The following CNTNAP5 variants were observed in gnomAD, a reference collection of about 807,000 sequenced individuals.
CNTNAP5 encodes contactin associated protein family member 5.
A neutral mutation model predicts 150.2 loss-of-function variants in CNTNAP5; 72 were observed. The ratio of observed to expected loss-of-function variants is 0.48; its 90% confidence interval spans 0.40 to 0.58. The LOEUF is 0.58. CNTNAP5 is among the 20% of genes least tolerant of loss of function. CNTNAP5 has a pLI of 0.00. For missense variants in CNTNAP5, 1,636 were observed against 1,626.2 expected (o/e 1.01, Z -0.10); for synonymous variants, 672 against 619.8 (o/e 1.08, Z -1.25).
intron 7 of CNTNAP5, among the ~76,000 whole-genome samples, chr2:124,489,559 C>A (rs2104848035): frequency 6.6e-6 from 1 of 152,284 alleles, no homozygotes; most frequent in South Asian, 2.1e-4. Flanking sequence ...AAACACAGTT[C>A]AGTCCACAAC....
chr2:124,185,800 G>C (rs908613035), intron 1 of CNTNAP5, among the ~76,000 whole-genome samples: 1 of 152,080 alleles, frequency 6.6e-6, no homozygotes, highest in Non-Finnish European at 1.5e-5. Context: ...CCCAACCATT[G>C]CTCAGCTTCT....
At chr2:124,304,519 A>G (rs1688634392) in intron 3 of CNTNAP5, among the ~76,000 whole-genome samples, 1 of 151,934 alleles carries the variant, frequency 6.6e-6, no homozygotes, top group Non-Finnish European at 1.5e-5. Flanking sequence ...ATGATAAGTA[A>G]TTAGTTACTT....
At chr2:124,260,791 A>G (rs1039174068) in intron 3 of CNTNAP5, among the ~76,000 whole-genome samples, 3 of 152,214 alleles carry the variant, frequency 2.0e-5, no homozygotes, top group African/African-American at 7.2e-5. Flanking sequence ...TGTACACTGA[A>G]ATGAAAATAC....
chr2:124,904,988 G>T (rs1311312375), intron 22 of CNTNAP5, among the ~76,000 whole-genome samples: 1 of 137,772 alleles, frequency 7.3e-6, no homozygotes, highest in Non-Finnish European at 1.5e-5. Flanking sequence ...CCATATGACT[G>T]ATGAAGGGTT....
intron 21 of CNTNAP5, among the ~76,000 whole-genome samples, chr2:124,887,411 A>G (rs982113994): frequency 1.3e-5 from 2 of 152,038 alleles, no homozygotes; most frequent in African/African-American, 2.4e-5. Flanking sequence ...TAGGATCCCT[A>G]CTAGTGTGAC....
intron 10 of CNTNAP5, among the ~76,000 whole-genome samples, chr2:124,550,258 A>G (rs1028502193): frequency 6.6e-6 from 1 of 152,198 alleles, no homozygotes; most frequent in South Asian, 2.1e-4. Flanking sequence ...CACAATTTGC[A>G]ACCCCTCTGA....
intron 8 of CNTNAP5, among the ~76,000 whole-genome samples, chr2:124,515,546 CATCACG>C (rs1694691479): frequency 2.4e-5 from 1 of 42,070 alleles, no homozygotes; most frequent in Non-Finnish European, 5.6e-5. Flanking sequence ...ATCAATCATT[CATCACG>C]TTTTATATGC....
intron 10 of CNTNAP5, among the ~76,000 whole-genome samples, chr2:124,554,673 C>T (rs930936203): frequency 4.6e-5 from 7 of 152,114 alleles, no homozygotes; most frequent in African/African-American, 1.2e-4. Flanking sequence ...CCTCCTGCCT[C>T]GGCCTCCTAA....
chr2:124,292,699 T>C (rs1395248994), intron 3 of CNTNAP5, among the ~76,000 whole-genome samples: 2 of 152,092 alleles, frequency 1.3e-5, no homozygotes, highest in Admixed American at 6.6e-5. Flanking sequence ...ACACTTCGCA[T>C]ATAAAATATT....
At chr2:124,129,594 C>T (rs1683796971) in intron 1 of CNTNAP5, among the ~76,000 whole-genome samples, 1 of 152,160 alleles carries the variant, frequency 6.6e-6, no homozygotes, top group Admixed American at 6.5e-5. Flanking sequence ...TCCAGAATTG[C>T]ATTCATGCAG....
At chr2:124,272,888 A>G (rs535712745) in intron 3 of CNTNAP5, among the ~76,000 whole-genome samples, 1 of 152,338 alleles carries the variant, frequency 6.6e-6, no homozygotes, top group Admixed American at 6.5e-5. Context: ...AATTCAATGC[A>G]TGAATCTTCT....
chr2:124,482,598 CCT>C (rs1470438635), intron 7 of CNTNAP5, among the ~76,000 whole-genome samples: 1 of 152,062 alleles, frequency 6.6e-6, no homozygotes, highest in African/African-American at 2.4e-5. Flanking sequence ...AGAAATGGCC[CCT>C]GTGTGCTTTG....
intron 1 of CNTNAP5, among the ~76,000 whole-genome samples, chr2:124,092,316 G>C (rs1558752346): frequency 6.6e-6 from 1 of 152,190 alleles, no homozygotes; most frequent in African/African-American, 2.4e-5. Flanking sequence ...GGCAAACTTT[G>C]TAAAGGATTG....
intron 5 of CNTNAP5, among the ~76,000 whole-genome samples, chr2:124,443,087 A>G (rs1692716794): frequency 2.0e-5 from 3 of 152,068 alleles, no homozygotes; most frequent in Admixed American, 2.0e-4. Context: ...TGAACGCTAC[A>G]AATACGCTTG....
chr2:124,226,545 GAT>G (rs1404309064), intron 2 of CNTNAP5, among the ~76,000 whole-genome samples: 1 of 152,054 alleles, frequency 6.6e-6, no homozygotes, highest in Non-Finnish European at 1.5e-5. Flanking sequence ...TCTCCAATTT[GAT>G]AGTTTGCCTT....
At chr2:124,316,839 A>G (rs1222836334) in intron 3 of CNTNAP5, among the ~76,000 whole-genome samples, 1 of 150,954 alleles carries the variant, frequency 6.6e-6, no homozygotes, top group Non-Finnish European at 1.5e-5. Context: ...GAAAAAGAAA[A>G]AAAAGAAAAG....
intron 17 of CNTNAP5, among the ~76,000 whole-genome samples, chr2:124,780,113 TCA>T (rs1233694549): frequency 6.6e-6 from 1 of 152,202 alleles, no homozygotes; most frequent in Non-Finnish European, 1.5e-5. Flanking sequence ...TCTCTGAGCC[TCA>T]GTTATTCCAT....
chr2:124,318,274 T>A (rs1820394), intron 3 of CNTNAP5, among the ~76,000 whole-genome samples: 52,058 of 152,036 alleles, frequency 0.34, 9,473 homozygotes, highest in African/African-American at 0.4. Flanking sequence ...CTGAATTTTT[T>A]AAAAACATTA....
At chr2:124,122,428 C>T (rs926789851) in intron 1 of CNTNAP5, among the ~76,000 whole-genome samples, 8 of 152,110 alleles carry the variant, frequency 5.3e-5, no homozygotes, top group Admixed American at 6.6e-5. Context: ...GTGCTCATCT[C>T]CATGGTATCT....
Sources: allele counts gnomAD v4.1 joint callset (sites outside exome capture counted in the v4.1 genomes callset), GRCh38; gene constraint gnomAD v4.1.1; transcripts MANE v1.5; gene names NCBI Gene and HGNC (gene_info 2026-07-23, HGNC 2026-07-21).